ERC2: variants seen among roughly 807,000 people sequenced by gnomAD.
ERC2 encodes the protein ELKS/RAB6-interacting/CAST family member 2, also known as ERC protein 2.
ERC2 carries 42 observed loss-of-function variants against 114.8 expected under a neutral mutation model. That is an observed-to-expected ratio of 0.37 (90% CI 0.29 to 0.47). The LOEUF is 0.47. ERC2 is among the 20% of genes least tolerant of loss of function. The pLI, the probability that ERC2 is intolerant of heterozygous loss-of-function variation, is 0.99. For missense variants in ERC2, 939 were observed against 1,150.7 expected, an observed-to-expected ratio of 0.82 and a Z score of 2.66; for synonymous variants, 454 against 425.5, an observed-to-expected ratio of 1.07 and a Z score of -0.82.
At position 56,442,511 on chromosome 3, in the gene ERC2, G is replaced by A. The variant is rs139365851; in HGVS notation, c.-140-7364C>T. Among the ~76,000 whole-genome samples, 686 of 152,138 alleles carry A rather than the reference G, an allele frequency of 4.5e-3. 3 individuals are homozygous for A. The highest frequency in any genetic ancestry group is 7.8e-3 in the Non-Finnish European group (528 of 68,008). Reference sequence around the variant, plus strand: ...GCTGGGATTACAGGCGTGAACCACCGTGCCCAGCCAAGAAGTATTTATTAA... The same window carrying A: ...GCTGGGATTACAGGCGTGAACCACCATGCCCAGCCAAGAAGTATTTATTAA... On this transcript the variant is annotated intron_variant, in intron 1 of 17. Transcript: ENST00000288221.
chr3:56,175,517 A>G (rs1241945055), intron 3 of ERC2, among the ~76,000 whole-genome samples: 2 of 152,110 alleles, frequency 1.3e-5, no homozygotes, highest in Non-Finnish European at 2.9e-5. Flanking sequence ...TGAAGGAAGG[A>G]CCCTAAAGGC....
chr3:55,679,460 A>G (rs2061959041), intron 17 of ERC2, among the ~76,000 whole-genome samples: 1 of 152,200 alleles, frequency 6.6e-6, no homozygotes, highest in African/African-American at 2.4e-5. Context: ...CAAAACGTGC[A>G]AGGTTTCTAT....
At chr3:55,696,912 G>C (rs2062962757) in intron 16 of ERC2, among the ~76,000 whole-genome samples, 1 of 152,162 alleles carries the variant, frequency 6.6e-6, no homozygotes, top group Admixed American at 6.5e-5. Flanking sequence ...GAGCCTTACT[G>C]ACTTGATGAC....
At chr3:55,554,131 T>C (rs915230356) in intron 17 of ERC2, among the ~76,000 whole-genome samples, 2 of 152,202 alleles carry the variant, frequency 1.3e-5, no homozygotes, top group African/African-American at 4.8e-5. Context: ...TCTTTGCATA[T>C]ACTGAGGTAG....
chr3:55,679,610 G>C (rs936425603), intron 17 of ERC2, among the ~76,000 whole-genome samples: 2 of 152,216 alleles, frequency 1.3e-5, no homozygotes, highest in Non-Finnish European at 2.9e-5. Flanking sequence ...ATGGACAAAT[G>C]AGTGAATAAT....
At chr3:56,231,004 T>A (rs2050583326) in intron 3 of ERC2, among the ~76,000 whole-genome samples, 1 of 152,232 alleles carries the variant, frequency 6.6e-6, no homozygotes, top group African/African-American at 2.4e-5. Context: ...CTTCTTTCAA[T>A]CCTCACAATA....
intron 7 of ERC2, among the ~76,000 whole-genome samples, chr3:56,023,794 G>GGAAGGAAGGAAGGAAA (rs1553777539): frequency 2.6e-5 from 4 of 151,824 alleles, no homozygotes; most frequent in African/African-American, 9.7e-5. Context: ...AAGGAAGGAA[G>GGAAGGAAGGAAGGAAA]GAAGGAAGGA....
At chr3:56,053,938 C>T (rs987891761) in intron 7 of ERC2, among the ~76,000 whole-genome samples, 2 of 152,116 alleles carry the variant, frequency 1.3e-5, no homozygotes, top group African/African-American at 4.8e-5. Flanking sequence ...TACAAAGACG[C>T]AGACAGACCA....
At chr3:56,299,100 T>G (rs531270360) in intron 2 of ERC2, among the ~76,000 whole-genome samples, 9 of 148,226 alleles carry the variant, frequency 6.1e-5, no homozygotes, top group African/African-American at 2.3e-4. Flanking sequence ...TAGATAGTTT[T>G]TTTTTGTTTT....
chr3:56,428,069 C>T (rs919370123), intron 2 of ERC2, among the ~76,000 whole-genome samples: 1 of 152,102 alleles, frequency 6.6e-6, no homozygotes, highest in Non-Finnish European at 1.5e-5. Flanking sequence ...AAAAAAGGAG[C>T]CTGGAAGAAG....
intron 7 of ERC2, among the ~76,000 whole-genome samples, chr3:56,021,603 T>C (rs562824747): frequency 1.1e-4 from 17 of 152,216 alleles, no homozygotes; most frequent in Non-Finnish European, 2.2e-4. Context: ...TGGGGGTACA[T>C]GTGAAGGTTT....
At chr3:56,314,238 G>A (rs916005367) in intron 2 of ERC2, among the ~76,000 whole-genome samples, 5 of 152,176 alleles carry the variant, frequency 3.3e-5, no homozygotes, top group African/African-American at 1.2e-4. Flanking sequence ...ACCTTGCGGA[G>A]GTGGGGGCTG....
intron 15 of ERC2, among the ~76,000 whole-genome samples, chr3:55,726,415 G>A (rs1003097635): frequency 5.3e-5 from 8 of 152,200 alleles, no homozygotes; most frequent in African/African-American, 1.9e-4. Context: ...AAGCACAACC[G>A]TGGCTTCTAG....
chr3:56,327,131 C>G (rs1042127758), intron 2 of ERC2, among the ~76,000 whole-genome samples: 5 of 152,304 alleles, frequency 3.3e-5, no homozygotes, highest in African/African-American at 9.6e-5. Context: ...AGTCCATTTT[C>G]AGACTGCTGT....
intron 3 of ERC2, among the ~76,000 whole-genome samples, chr3:56,204,922 CTGTGTGTG>C (rs58831473): frequency 5.1e-4 from 77 of 150,038 alleles, no homozygotes; most frequent in Non-Finnish European, 1.1e-3. Context: ...TGGGACGTGT[CTGTGTGTG>C]TGTGTGTGTG....
intron 17 of ERC2, among the ~76,000 whole-genome samples, chr3:55,522,756 A>C (rs1483087309): frequency 6.6e-6 from 1 of 152,216 alleles, no homozygotes; most frequent in Non-Finnish European, 1.5e-5. Context: ...ACTCAGGGAT[A>C]TAAGTGAACT....
chr3:56,391,536 C>G (rs1485243748), intron 2 of ERC2, among the ~76,000 whole-genome samples: 2 of 152,242 alleles, frequency 1.3e-5, no homozygotes, highest in Non-Finnish European at 1.5e-5. Flanking sequence ...AGGCTCCAGC[C>G]TTATTCTAAA....
intron 13 of ERC2, among the ~76,000 whole-genome samples, chr3:55,893,516 C>T (rs950412744): frequency 6.6e-6 from 1 of 152,108 alleles, no homozygotes; most frequent in Non-Finnish European, 1.5e-5. Flanking sequence ...TTGAGGATGA[C>T]CAAAAGCCAA....
At chr3:56,218,273 G>A (rs1232177150) in intron 3 of ERC2, among the ~76,000 whole-genome samples, 1 of 152,018 alleles carries the variant, frequency 6.6e-6, no homozygotes, top group Non-Finnish European at 1.5e-5. Flanking sequence ...AATCTACAAA[G>A]AACTCAAACA....
Sources: gnomAD v4.1 joint callset for allele counts (sites outside exome capture counted in the v4.1 genomes callset) on GRCh38, gnomAD v4.1.1 for gene constraint, MANE v1.5 for transcripts, NCBI Gene and HGNC (gene_info 2026-07-23, HGNC 2026-07-21) for gene names.